Variants in WWOX observed in about 807,000 individuals in gnomAD.
WWOX encodes the protein WW domain containing oxidoreductase, also known as WW domain-containing oxidoreductase.
In WWOX, 69 loss-of-function variants were observed where a neutral mutation model predicts 46.2. That is an observed-to-expected ratio of 1.49 (90% CI 1.23 to 1.82). WWOX has a LOEUF of 1.82. Ranked by LOEUF, WWOX falls within the 40% of genes most tolerant of loss-of-function variation. WWOX has a pLI of 0.00. For missense variants in WWOX, 919 were observed against 542.6 expected (o/e 1.69, Z -6.89); for synonymous variants, 359 against 202.6 (o/e 1.77, Z -6.56).
Position 78,752,176 on chromosome 16 carries a change from C to T in WWOX, c.1056+319424C>T, listed in dbSNP as rs74805314. 4.4e-3 allele frequency among the ~76,000 whole-genome samples: 665 copies of T among 152,266 alleles called. 4 individuals are homozygous for T. The highest frequency in any genetic ancestry group is 0.015 in the African/African-American group (609 of 41,548). On this transcript the variant is annotated intron_variant, in intron 8 of 8. Coordinates refer to ENST00000566780, the MANE Select transcript of WWOX (RefSeq NM_016373.4). ...TGCTTTTGAGTGATTCACTTCGATG[C>T]GTACTGAAAATATACCTTTAAGTAG...
At chr16:78,496,185 C>A (rs771633181) in intron 8 of WWOX, 3 of 152,196 alleles carry the variant, frequency 2.0e-5, no homozygotes, top group African/African-American at 7.2e-5. Flanking sequence ...CGTCCCACCT[C>A]CCCATCACTC....
intron 8 of WWOX, among the ~76,000 whole-genome samples, chr16:78,565,946 C>G (rs1025506439): frequency 7.4e-6 from 1 of 134,430 alleles, no homozygotes; most frequent in Non-Finnish European, 1.5e-5. Context: ...CATACAATGG[C>G]GATTGTTTTG....
chr16:78,653,119 C>G (rs550486515), intron 8 of WWOX, among the ~76,000 whole-genome samples: 2 of 151,508 alleles, frequency 1.3e-5, no homozygotes, highest in South Asian at 4.2e-4. Context: ...TTTTTTTCAA[C>G]AAATTGGGCT....
chr16:79,153,300 A>G (rs1179809211), intron 8 of WWOX, among the ~76,000 whole-genome samples: 1 of 151,742 alleles, frequency 6.6e-6, no homozygotes. Flanking sequence ...CCCCTGTACA[A>G]TTTTTCTGGA....
intron 8 of WWOX, among the ~76,000 whole-genome samples, chr16:78,454,919 C>T (rs2083780765): frequency 6.6e-6 from 1 of 152,252 alleles, no homozygotes. Context: ...CTTTGGCAGT[C>T]ACTGCCCCAA....
intron 8 of WWOX, among the ~76,000 whole-genome samples, chr16:78,465,232 C>G (rs2084046683): frequency 6.6e-6 from 1 of 152,208 alleles, no homozygotes. Flanking sequence ...ATAAAAATTG[C>G]TATTTCTAAG....
At chr16:78,710,498 A>ATATATTTT (rs941311575) in intron 8 of WWOX, among the ~76,000 whole-genome samples, 1 of 132,836 alleles carries the variant, frequency 7.5e-6, no homozygotes, top group African/African-American at 2.9e-5. Flanking sequence ...ATATATATAT[A>ATATATTTT]TTTATATAAA....
At chr16:78,955,541 T>C (rs1186959271) in intron 8 of WWOX, among the ~76,000 whole-genome samples, 1 of 152,248 alleles carries the variant, frequency 6.6e-6, no homozygotes, top group Non-Finnish European at 1.5e-5. Context: ...GGATAATAAC[T>C]GCACTTTTTA....
intron 8 of WWOX, among the ~76,000 whole-genome samples, chr16:78,621,797 G>A (rs2046196162): frequency 6.6e-6 from 1 of 151,302 alleles, no homozygotes; most frequent in African/African-American, 2.4e-5. Flanking sequence ...AGTAAAGATG[G>A]GGTTTCACCA....
At position 78,508,310 on chromosome 16, in the gene WWOX, CTT is replaced by C. The variant is rs60281450; in HGVS notation, c.1056+75587_1056+75588del. ...ATAGGCGTGAGCCACTGCGCCCGGC[CTT>C]TTTTTTTTTTTTTTTTTTTTTTTTT... On this transcript the variant is annotated intron_variant, in intron 8 of 8. Transcript: ENST00000566780. 1.4e-3 allele frequency among the ~76,000 whole-genome samples: 163 copies of C among 112,682 alleles called. 1 individual carries two copies. Among genetic ancestry groups the C allele is most frequent in the African/African-American group, 6.6e-3 (153 of 23,342 alleles). 73.9% of individuals were successfully genotyped at this position (112,682 alleles called of 152,430 possible).
intron 8 of WWOX, among the ~76,000 whole-genome samples, chr16:78,817,182 T>G (rs1033939432): frequency 0.017 from 2,393 of 139,252 alleles, 50 homozygotes; most frequent in Non-Finnish European, 0.027. Context: ...CTTTTTTTTT[T>G]TTTTTTTTTT....
intron 8 of WWOX, among the ~76,000 whole-genome samples, chr16:79,041,916 TTCTCC>T (rs2047978781): frequency 6.6e-6 from 1 of 152,220 alleles, no homozygotes; most frequent in East Asian, 1.9e-4. Context: ...GGGAACTGCT[TTCTCC>T]TCTCTAAGAG....
At chr16:78,615,739 A>T (rs932543044) in intron 8 of WWOX, among the ~76,000 whole-genome samples, 1 of 152,022 alleles carries the variant, frequency 6.6e-6, no homozygotes, top group Non-Finnish European at 1.5e-5. Flanking sequence ...CTGTTTTAGG[A>T]AATCAATAGG....
chr16:78,637,741 C>G (rs1029190995), intron 8 of WWOX, among the ~76,000 whole-genome samples: 1 of 152,178 alleles, frequency 6.6e-6, no homozygotes, highest in Non-Finnish European at 1.5e-5. Flanking sequence ...CTTTAAACAC[C>G]TTTGGTGGCA....
At chr16:78,622,548 A>G (rs1292437887) in intron 8 of WWOX, among the ~76,000 whole-genome samples, 1 of 151,814 alleles carries the variant, frequency 6.6e-6, no homozygotes, top group African/African-American at 2.4e-5. Context: ...ATCTTAAAAA[A>G]AAAAAAAAGT....
Position 78,164,291 on chromosome 16 carries a change from T to G in WWOX, c.516+2T>G. On this transcript the variant is annotated splice_donor_variant, in intron 5 of 8. Transcript: ENST00000566780. LOFTEE classifies it high-confidence loss of function. Reference sequence around the variant, plus strand: ...GTGTCACGCATTTTAGAAGAATGGGTAAGTGCTTGACTGTTGTTGTTTTTT... The same window carrying G: ...GTGTCACGCATTTTAGAAGAATGGGGAAGTGCTTGACTGTTGTTGTTTTTT... 1 of 1,613,664 alleles carries G rather than the reference T, an allele frequency of 6.2e-7. No individual in the cohort carries two copies. The highest frequency in any genetic ancestry group is 1.1e-5 in the South Asian group (1 of 90,960).
chr16:78,122,910 G>C (rs1042894299), intron 4 of WWOX, among the ~76,000 whole-genome samples: 21 of 152,016 alleles, frequency 1.4e-4, no homozygotes, highest in Admixed American at 1.1e-3. Context: ...CGGGGGTGTT[G>C]TACATATTTC....
At chr16:78,531,159 T>C (rs1217371542) in intron 8 of WWOX, among the ~76,000 whole-genome samples, 1 of 152,208 alleles carries the variant, frequency 6.6e-6, no homozygotes, top group African/African-American at 2.4e-5. Flanking sequence ...TCTCACAATG[T>C]AGAAATTAAG....
At chr16:78,798,518 A>T (rs2050802145) in intron 8 of WWOX, among the ~76,000 whole-genome samples, 1 of 151,922 alleles carries the variant, frequency 6.6e-6, no homozygotes, top group African/African-American at 2.4e-5. Flanking sequence ...GTCCTTAGAC[A>T]GAAAGCATCT....
Sources: allele counts gnomAD v4.1 joint callset (sites outside exome capture counted in the v4.1 genomes callset), GRCh38; gene constraint gnomAD v4.1.1; transcripts MANE v1.5; gene names NCBI Gene and HGNC (gene_info 2026-07-23, HGNC 2026-07-21).